CEP41: variants seen among roughly 807,000 people sequenced by gnomAD.
CEP41 encodes centrosomal protein of 41 kDa.
CEP41 carries 32 observed loss-of-function variants against 44.3 expected under a neutral mutation model. That is an observed-to-expected ratio of 0.72 (90% CI 0.54 to 0.97). The LOEUF (loss-of-function observed/expected upper bound fraction) is 0.97, where lower values mean the gene tolerates loss of function less well. Among genes scored for constraint, CEP41 ranks in the 50% least tolerant of loss-of-function variants. The pLI is 0.00. For missense variants in CEP41, 432 were observed against 455.2 expected (o/e 0.95, Z 0.46); for synonymous variants, 151 against 168.5 (o/e 0.90, Z 0.80).
intron 5 of CEP41, chr7:130,410,813 C>A (rs1156581913): frequency 4.8e-6 from 2 of 414,452 alleles, no homozygotes; most frequent in Non-Finnish European, 9.0e-6. Context: ...TTCACCTCTG[C>A]AGTCTCATAG....
At chr7:130,411,935 T>C (rs1459651091) in intron 4 of CEP41, 4 of 417,806 alleles carry the variant, frequency 9.6e-6, no homozygotes, top group Non-Finnish European at 1.7e-5. Context: ...ACCACAAGTT[T>C]AATGAATTAA....
At position 130,394,254 on chromosome 7, in the gene CEP41, G is replaced by T. The variant is rs1554413592; in HGVS notation, c.*4637C>A. 1 of 453,944 alleles carries T rather than the reference G, an allele frequency of 2.2e-6. No homozygotes were observed. The highest frequency in any genetic ancestry group is 4.4e-6 in the Non-Finnish European group (1 of 226,762). 28.1% of individuals were successfully genotyped at this position (453,944 alleles called of 1,614,324 possible). A position where few individuals can be genotyped will look rare whatever the true frequency, so the allele number is the denominator to read the frequency against. On this transcript the variant is annotated 3_prime_UTR_variant, in exon 11 of 11. Coordinates refer to ENST00000223208, the MANE Select transcript of CEP41 (RefSeq NM_018718.3). Reference sequence around the variant, plus strand: ...CTGGCTCCTGGCTTTTCAAACCCTTGGTCAGAGACTGAAGGCAAACCTGAG... The same window carrying T: ...CTGGCTCCTGGCTTTTCAAACCCTTTGTCAGAGACTGAAGGCAAACCTGAG...
rs538212563 is a variant in CEP41, at chr7:130,409,991, C to T, written c.277+1131G>A. 7.4e-4 allele frequency among the ~76,000 whole-genome samples: 111 copies of T among 149,230 alleles called. 1 individual carries two copies. Among genetic ancestry groups the T allele is most frequent in the African/African-American group, 2.6e-3 (104 of 40,402 alleles). ...GTTGAGATTCTACCCCACTTCAAGGCCCAGTTCCAGTGCCTTGAGGAAGCC... is the reference window on the plus strand; with the variant it reads ...GTTGAGATTCTACCCCACTTCAAGGTCCAGTTCCAGTGCCTTGAGGAAGCC... On this transcript the variant is annotated intron_variant, in intron 5 of 10. Coordinates refer to ENST00000223208, the MANE Select transcript of CEP41 (RefSeq NM_018718.3).
At position 130,393,888 on chromosome 7, in the gene CEP41, A is replaced by G; in HGVS notation, c.*5003T>C. 2.2e-6 allele frequency: 1 copy of G among 454,106 alleles called. No individual in the cohort carries two copies. The highest frequency in any genetic ancestry group is 4.4e-6 in the Non-Finnish European group (1 of 226,794). The allele number at this position is 454,106 out of a possible 1,614,324, so 28.1% of individuals were successfully genotyped here. The stretch of plus-strand genomic sequence containing the variant: ...TCTCATTCCTTAAGTGGTACTTTGC[A>G]AGGTGTCCATTAACAGACAAAATAA... On this transcript the variant is annotated 3_prime_UTR_variant, in exon 11 of 11. Transcript: ENST00000223208.
intron 2 of CEP41, among the ~76,000 whole-genome samples, chr7:130,418,533 C>T (rs1554421366): frequency 2.6e-5 from 4 of 152,232 alleles, no homozygotes; most frequent in Non-Finnish European, 5.9e-5. Flanking sequence ...GTTATATGTC[C>T]CTGAGTCACC....
At chr7:130,441,226 G>C (rs971748562), upstream of CEP41, 34 of 628,094 alleles carry the variant, frequency 5.4e-5, no homozygotes, top group African/African-American at 6.1e-4. Context: ...GGGGCTCGCC[G>C]GCTCCAGCCT....
chr7:130,416,281 A>C (rs1797333560), intron 3 of CEP41, among the ~76,000 whole-genome samples: 1 of 152,232 alleles, frequency 6.6e-6, no homozygotes, highest in Non-Finnish European at 1.5e-5. Flanking sequence ...TTCTTCCTTA[A>C]TTCTGGCCTT....
rs182824557 is a variant in CEP41, at chr7:130,396,987, T to C, written c.*1904A>G. ...CAGGGAAGTCTCAACTCCTGACAAG[T>C]CACCTTTAAAACAGCATAACCAGAA... On this transcript the variant is annotated 3_prime_UTR_variant, in exon 11 of 11. Transcript: ENST00000223208. The C allele has an allele frequency of 2.1e-4, 96 of 454,408 alleles. No individual in the cohort carries two copies. The highest frequency in any genetic ancestry group is 1.8e-3 in the African/African-American group (90 of 50,120). 28.1% of individuals were successfully genotyped at this position (454,408 alleles called of 1,614,324 possible).
intron 2 of CEP41, chr7:130,417,476 T>C: frequency 2.5e-6 from 1 of 401,540 alleles, no homozygotes; most frequent in Non-Finnish European, 3.6e-6. Context: ...CATGCTCACG[T>C]TGCAGTCTGA....
chr7:130,407,253 A>AACACAC lies in CEP41; in HGVS notation c.278-2551_278-2546dup, dbSNP rs60030288. Among the ~76,000 whole-genome samples, 967 of 129,382 alleles carry AACACAC rather than the reference A, an allele frequency of 7.5e-3. 12 individuals carry two copies. Among genetic ancestry groups the AACACAC allele is most frequent in the African/African-American group, 0.024 (830 of 35,248 alleles). 84.9% of individuals were successfully genotyped at this position (129,382 alleles called of 152,430 possible). A position where few individuals can be genotyped will look rare whatever the true frequency, so the allele number is the denominator to read the frequency against. The stretch of plus-strand genomic sequence containing the variant: ...AAGGATTTAAAAAATAACAAGAGTA[A>AACACAC]ACACACACACACACACACACACACA... On this transcript the variant is annotated intron_variant, in intron 5 of 10. Coordinates refer to ENST00000223208, the MANE Select transcript of CEP41 (RefSeq NM_018718.3).
chr7:130,433,268 C>A (rs1041705174), intron 1 of CEP41, among the ~76,000 whole-genome samples: 14 of 150,380 alleles, frequency 9.3e-5, no homozygotes, highest in African/African-American at 3.2e-4. Flanking sequence ...GCTGGATGAT[C>A]TTTTCTTTTT....
intron 1 of CEP41, among the ~76,000 whole-genome samples, chr7:130,431,716 G>A (rs758912894): frequency 4.6e-5 from 7 of 151,994 alleles, no homozygotes; most frequent in Non-Finnish European, 8.8e-5. Context: ...GAGACTAGAG[G>A]GAGTACCAAC....
At chr7:130,426,778 G>A (rs1488387318) in intron 2 of CEP41, 1 of 392,230 alleles carries the variant, frequency 2.5e-6, no homozygotes, top group Non-Finnish European at 5.0e-6. Flanking sequence ...CAGTACACCA[G>A]ACTTGGCACC....
In CEP41 at chr7:130,419,914, T is replaced by C. The variant is rs1797450776; in HGVS notation, c.98-2948A>G. The C allele has an allele frequency of 3.0e-6, 3 of 985,202 alleles. No individual in the cohort carries two copies. In the East Asian group the frequency reaches 3.4e-4, roughly 112 times the overall value. The allele number at this position is 985,202 out of a possible 1,614,324, so 61.0% of individuals were successfully genotyped here. Reference sequence around the variant, plus strand: ...TATCACTGTATTGTCTTACCTACCTTACTAGACAGAAAGCCAAGGACTATT... The same window carrying C: ...TATCACTGTATTGTCTTACCTACCTCACTAGACAGAAAGCCAAGGACTATT... On this transcript the variant is annotated intron_variant, in intron 2 of 10. Transcript: ENST00000223208.
upstream of CEP41, among the ~76,000 whole-genome samples, chr7:130,441,721 C>T (rs1798175911): frequency 6.6e-6 from 1 of 152,188 alleles, no homozygotes; most frequent in Admixed American, 6.5e-5. Context: ...CCAATCCCGT[C>T]GTCATGGAAA....
chr7:130,403,746 A>G (rs1160623467), intron 6 of CEP41, among the ~76,000 whole-genome samples: 1 of 152,226 alleles, frequency 6.6e-6, no homozygotes, highest in Admixed American at 6.5e-5. Context: ...GTTGAACCAA[A>G]GGAGAAGAAC....
intron 8 of CEP41, among the ~76,000 whole-genome samples, chr7:130,401,410 CA>C (rs542610142): frequency 6.6e-6 from 1 of 152,046 alleles, no homozygotes; most frequent in East Asian, 1.9e-4. Context: ...ACACAGAAGA[CA>C]GTCTGGAATA....
chr7:130,404,419 T>A, intron 6 of CEP41, 145 bp downstream of exon 6: 3 of 686,400 alleles, frequency 4.4e-6, no homozygotes, highest in Non-Finnish European at 7.7e-6. Context: ...TATATAAAGA[T>A]AAAGTAGAAG....
intron 2 of CEP41, among the ~76,000 whole-genome samples, chr7:130,425,263 A>C (rs11982463): frequency 0.18 from 27,589 of 152,090 alleles, 2,507 homozygotes; most frequent in South Asian, 0.2. Flanking sequence ...AAATACAAAA[A>C]TTAGCCAGAC....
Sources: gnomAD v4.1 joint callset for allele counts (sites outside exome capture counted in the v4.1 genomes callset) on GRCh38, gnomAD v4.1.1 for gene constraint, MANE v1.5 for transcripts, NCBI Gene and HGNC (gene_info 2026-07-23, HGNC 2026-07-21) for gene names.